PLCB1: variants seen among roughly 807,000 people sequenced by gnomAD.
PLCB1 encodes phospholipase C beta 1.
Under a neutral mutation model 161.8 loss-of-function variants are expected in PLCB1, and 46 were observed. The observed-to-expected ratio is 0.28, with a 90% CI of 0.22 to 0.36. The LOEUF (loss-of-function observed/expected upper bound fraction) is 0.36, where lower values mean the gene tolerates loss of function less well. Among genes scored for constraint, PLCB1 ranks in the 10% least tolerant of loss-of-function variants. PLCB1 has a pLI of 1.00. For missense variants in PLCB1, 1,016 were observed against 1,472.5 expected (o/e 0.69, Z 5.07); for synonymous variants, 517 against 503.7 (o/e 1.03, Z -0.35).
intron 5 of PLCB1, 74 bp from the exon 6 acceptor site, chr20:8,647,826 A>T: frequency 8.8e-7 from 1 of 1,130,044 alleles, no homozygotes; most frequent in Non-Finnish European, 1.3e-6. Context: ...GGCTTTTTTG[A>T]GTGTATTTTA....
chr20:8,368,528 C>CAAAAAAAAAAAAAAAAAAAAAAA (rs1216338206), intron 2 of PLCB1, among the ~76,000 whole-genome samples: 2 of 63,818 alleles, frequency 3.1e-5, no homozygotes, highest in Non-Finnish European at 5.9e-5. Flanking sequence ...CTCTGTCTCT[C>CAAAAAAAAAAAAAAAAAAAAAAA]AAAAAAAAAA....
chr20:8,796,059 T>C (rs532775989), intron 31 of PLCB1, among the ~76,000 whole-genome samples: 1 of 152,316 alleles, frequency 6.6e-6, no homozygotes, highest in South Asian at 2.1e-4. Context: ...TCAATAAATG[T>C]GTAATTTACT....
intron 3 of PLCB1, among the ~76,000 whole-genome samples, chr20:8,373,408 A>G (rs1986967866): frequency 6.6e-6 from 1 of 152,248 alleles, no homozygotes; most frequent in African/African-American, 2.4e-5. Context: ...AGTACTTGAA[A>G]TGGTTGCTAT....
chr20:8,747,111 G>A (rs545565209), intron 23 of PLCB1, among the ~76,000 whole-genome samples: 88 of 152,346 alleles, frequency 5.8e-4, no homozygotes, highest in African/African-American at 2.0e-3. Flanking sequence ...CTGAATGAGT[G>A]AGCACAGGAT....
chr20:8,426,633 A>G (rs1979786944), intron 3 of PLCB1, among the ~76,000 whole-genome samples: 1 of 152,206 alleles, frequency 6.6e-6, no homozygotes, highest in African/African-American at 2.4e-5. Context: ...TGAGGACTGT[A>G]GTTAGTAAAA....
chr20:8,369,721 G>T (rs1026548145), intron 2 of PLCB1, among the ~76,000 whole-genome samples: 28 of 152,278 alleles, frequency 1.8e-4, no homozygotes, highest in African/African-American at 6.5e-4. Flanking sequence ...CATGAAATGG[G>T]CTAAGGAACC....
intron 26 of PLCB1, among the ~76,000 whole-genome samples, chr20:8,772,046 A>ATTT (rs57175112): frequency 4.8e-4 from 58 of 121,870 alleles, no homozygotes; most frequent in East Asian, 4.5e-3. Context: ...GGCCCGGTTA[A>ATTT]TTTTTTTTTT....
chr20:8,725,345 T>G (rs946732551), intron 16 of PLCB1, among the ~76,000 whole-genome samples: 1 of 152,176 alleles, frequency 6.6e-6, no homozygotes, highest in Non-Finnish European at 1.5e-5. Context: ...AGGGTTCTTT[T>G]ATGAAAATGC....
At chr20:8,641,924 T>G (rs1988969308) in intron 4 of PLCB1, among the ~76,000 whole-genome samples, 1 of 152,204 alleles carries the variant, frequency 6.6e-6, no homozygotes, top group Non-Finnish European at 1.5e-5. Flanking sequence ...GTCCAGTTTT[T>G]CCTTCAATTA....
At chr20:8,447,877 A>G (rs978631183) in intron 3 of PLCB1, among the ~76,000 whole-genome samples, 11 of 152,216 alleles carry the variant, frequency 7.2e-5, no homozygotes, top group Non-Finnish European at 1.3e-4. Context: ...TTTGCACTCT[A>G]CAATTTCAGA....
At chr20:8,798,501 A>G (rs534925054) in intron 31 of PLCB1, among the ~76,000 whole-genome samples, 2 of 152,316 alleles carry the variant, frequency 1.3e-5, no homozygotes, top group South Asian at 4.1e-4. Flanking sequence ...AAGGAAAATT[A>G]CAAGTAGGCT....
intron 9 of PLCB1, among the ~76,000 whole-genome samples, chr20:8,671,048 C>T (rs561480395): frequency 1.3e-5 from 2 of 152,308 alleles, no homozygotes; most frequent in African/African-American, 4.8e-5. Flanking sequence ...TCTCAACCAC[C>T]TAATCCCAGT....
chr20:8,348,931 C>T (rs1055935070), intron 2 of PLCB1, among the ~76,000 whole-genome samples: 2 of 151,962 alleles, frequency 1.3e-5, no homozygotes, highest in African/African-American at 4.8e-5. Context: ...AATTTTGGCC[C>T]TCAAGTGGCT....
chr20:8,296,133 T>G (rs1384803902), intron 2 of PLCB1, among the ~76,000 whole-genome samples: 1 of 152,192 alleles, frequency 6.6e-6, no homozygotes, highest in Non-Finnish European at 1.5e-5. Context: ...AGAACATTTT[T>G]AAAACGAATA....
chr20:8,308,109 C>G (rs893344878), intron 2 of PLCB1, among the ~76,000 whole-genome samples: 1 of 151,962 alleles, frequency 6.6e-6, no homozygotes, highest in Non-Finnish European at 1.5e-5. Flanking sequence ...TGCAGAAGAC[C>G]TTCTCCTGGT....
At chr20:8,484,667 G>A (rs925667763) in intron 3 of PLCB1, among the ~76,000 whole-genome samples, 2 of 152,182 alleles carry the variant, frequency 1.3e-5, no homozygotes, top group African/African-American at 2.4e-5. Context: ...TTCTTGTCAT[G>A]TGTCTCTTTT....
chr20:8,709,347 A>T (rs1176381861), intron 12 of PLCB1, among the ~76,000 whole-genome samples: 1 of 152,218 alleles, frequency 6.6e-6, no homozygotes, highest in Non-Finnish European at 1.5e-5. Context: ...ATTTTATCAC[A>T]CATTACCAAA....
intron 3 of PLCB1, among the ~76,000 whole-genome samples, chr20:8,520,292 T>A (rs1222265458): frequency 1.3e-5 from 2 of 152,140 alleles, no homozygotes; most frequent in African/African-American, 4.8e-5. Flanking sequence ...TAAGTTAGAG[T>A]CCTTATTATT....
intron 2 of PLCB1, among the ~76,000 whole-genome samples, chr20:8,181,408 C>A (rs1201121779): frequency 6.6e-6 from 1 of 151,930 alleles, no homozygotes; most frequent in Non-Finnish European, 1.5e-5. Flanking sequence ...GATTTCTTTA[C>A]CTTATTGTTG....
Sources: allele counts gnomAD v4.1 joint callset (sites outside exome capture counted in the v4.1 genomes callset), GRCh38; gene constraint gnomAD v4.1.1; transcripts MANE v1.5; gene names NCBI Gene and HGNC (gene_info 2026-07-23, HGNC 2026-07-21).